The following CDH18 variants were observed in gnomAD, a reference collection of about 807,000 sequenced individuals.
CDH18 encodes the protein cadherin-18.
In CDH18, 31 loss-of-function variants were observed where a neutral mutation model predicts 67.9. The ratio of observed to expected loss-of-function variants is 0.46; its 90% confidence interval spans 0.34 to 0.62. CDH18 has a LOEUF of 0.62. CDH18 is among the 20% of genes least tolerant of loss of function. The probability of loss-of-function intolerance (pLI) is 0.01; values close to 1 mark genes in which losing one functional copy is unlikely to be tolerated. For missense variants in CDH18, 890 were observed against 975.5 expected, an observed-to-expected ratio of 0.91 and a Z score of 1.17; for synonymous variants, 362 against 347.2, an observed-to-expected ratio of 1.04 and a Z score of -0.48.
At chr5:19,742,323 G>A (rs4866152) in intron 4 of CDH18, among the ~76,000 whole-genome samples, 146,470 of 152,186 alleles carry the variant, frequency 0.96, 70,723 homozygotes, top group Middle Eastern at 1. Context: ...GTATTCTTGT[G>A]ACATATTTGC....
intron 2 of CDH18, among the ~76,000 whole-genome samples, chr5:20,106,104 G>T (rs758162033): frequency 3.9e-5 from 6 of 151,970 alleles, no homozygotes; most frequent in Non-Finnish European, 7.4e-5. Flanking sequence ...TAATTCCCTG[G>T]CAGAAGATCA....
intron 8 of CDH18, among the ~76,000 whole-genome samples, chr5:19,560,816 GA>G (rs930178043): frequency 1.0e-4 from 15 of 149,954 alleles, no homozygotes; most frequent in Admixed American, 2.7e-4. Context: ...AAATCAGCAA[GA>G]AAAAAAAATC....
chr5:20,261,478 C>T (rs890349515), intron 1 of CDH18, among the ~76,000 whole-genome samples: 3 of 152,180 alleles, frequency 2.0e-5, no homozygotes, highest in East Asian at 1.9e-4. Context: ...TGGTGGCTCA[C>T]GCCTCTAATC....
chr5:19,622,856 A>C (rs1750928421), intron 5 of CDH18, among the ~76,000 whole-genome samples: 1 of 152,106 alleles, frequency 6.6e-6, no homozygotes, highest in Non-Finnish European at 1.5e-5. Context: ...TTCCAAACCA[A>C]CGTCATACGG....
intron 2 of CDH18, among the ~76,000 whole-genome samples, chr5:20,022,881 A>G (rs1738553343): frequency 6.6e-6 from 1 of 152,184 alleles, no homozygotes; most frequent in Non-Finnish European, 1.5e-5. Flanking sequence ...GGTATACAAA[A>G]TCACTACCTT....
chr5:20,265,243 T>C (rs1744943118), intron 1 of CDH18, among the ~76,000 whole-genome samples: 1 of 152,132 alleles, frequency 6.6e-6, no homozygotes, highest in African/African-American at 2.4e-5. Flanking sequence ...AACTTTTTTT[T>C]CCTGGTTATT....
intron 12 of CDH18, among the ~76,000 whole-genome samples, chr5:19,479,770 G>A (rs1739091415): frequency 6.6e-6 from 1 of 152,106 alleles, no homozygotes; most frequent in African/African-American, 2.4e-5. Context: ...GGAGCTGGCA[G>A]AGGTCCCAGT....
At chr5:19,521,821 T>A (rs989189441) in intron 9 of CDH18, among the ~76,000 whole-genome samples, 36 of 152,048 alleles carry the variant, frequency 2.4e-4, no homozygotes, top group African/African-American at 8.7e-4. Flanking sequence ...TGTCCCAGAT[T>A]TTTTACTTAA....
At chr5:20,092,060 A>G (rs1580219521) in intron 2 of CDH18, among the ~76,000 whole-genome samples, 1 of 152,202 alleles carries the variant, frequency 6.6e-6, no homozygotes, top group Admixed American at 6.5e-5. Context: ...CTGTCACGGG[A>G]TTTCATTAAG....
chr5:20,208,334 C>T (rs894701630), intron 2 of CDH18, among the ~76,000 whole-genome samples: 10 of 152,234 alleles, frequency 6.6e-5, no homozygotes, highest in South Asian at 4.1e-4. Context: ...GATTCAATTG[C>T]CTTTCACCAG....
chr5:20,128,406 T>C (rs1749001847), intron 2 of CDH18, among the ~76,000 whole-genome samples: 1 of 151,474 alleles, frequency 6.6e-6, no homozygotes, highest in South Asian at 2.1e-4. Context: ...TAAAATAGAG[T>C]TTTTGTGATA....
At chr5:20,210,432 C>T (rs1465891940) in intron 2 of CDH18, among the ~76,000 whole-genome samples, 2 of 151,836 alleles carry the variant, frequency 1.3e-5, no homozygotes, top group Non-Finnish European at 2.9e-5. Flanking sequence ...ATAATTTTCC[C>T]ATATGTCCAT....
chr5:19,743,441 C>A (rs1470735217), intron 4 of CDH18, among the ~76,000 whole-genome samples: 1 of 152,028 alleles, frequency 6.6e-6, no homozygotes, highest in Non-Finnish European at 1.5e-5. Flanking sequence ...TGTGGGCCAG[C>A]GATATGACCT....
intron 1 of CDH18, among the ~76,000 whole-genome samples, chr5:20,323,997 G>T (rs917073445): frequency 6.6e-6 from 1 of 152,190 alleles, no homozygotes; most frequent in Non-Finnish European, 1.5e-5. Context: ...TGACACAAAA[G>T]TGGCAGATTA....
At chr5:20,433,700 T>G (rs1553998313) in intron 1 of CDH18, among the ~76,000 whole-genome samples, 1 of 151,874 alleles carries the variant, frequency 6.6e-6, no homozygotes, top group Non-Finnish European at 1.5e-5. Flanking sequence ...CATAGAAAAG[T>G]GGGGACTAAT....
chr5:19,513,921 T>C (rs1284962840), intron 10 of CDH18, among the ~76,000 whole-genome samples: 2 of 152,202 alleles, frequency 1.3e-5, no homozygotes, highest in African/African-American at 4.8e-5. Flanking sequence ...TATGTATACC[T>C]GTGCCATGTT....
intron 8 of CDH18, among the ~76,000 whole-genome samples, chr5:19,551,604 C>T (rs377765561): frequency 3.9e-5 from 6 of 152,030 alleles, no homozygotes; most frequent in East Asian, 3.9e-4. Flanking sequence ...AATGATAGGC[C>T]TTCATAGAAA....
chr5:20,553,145 A>G (rs1042557229), intron 1 of CDH18, among the ~76,000 whole-genome samples: 4 of 152,200 alleles, frequency 2.6e-5, no homozygotes, highest in African/African-American at 9.6e-5. Flanking sequence ...GAAATATGCT[A>G]TCATATTTGC....
intron 1 of CDH18, among the ~76,000 whole-genome samples, chr5:20,427,950 T>C (rs899485489): frequency 3.3e-5 from 5 of 151,284 alleles, no homozygotes; most frequent in Admixed American, 2.6e-4. Context: ...AATTTTACTT[T>C]AAGTTCTAGG....
Sources: gnomAD v4.1 joint callset for allele counts (sites outside exome capture counted in the v4.1 genomes callset) on GRCh38, gnomAD v4.1.1 for gene constraint, MANE v1.5 for transcripts, NCBI Gene and HGNC (gene_info 2026-07-23, HGNC 2026-07-21) for gene names.